Variants in LRFN5 observed in about 807,000 individuals in gnomAD.
LRFN5 encodes the protein leucine rich repeat and fibronectin type III domain containing 5.
LRFN5 carries 24 observed loss-of-function variants against 45.6 expected under a neutral mutation model. That is an observed-to-expected ratio of 0.53 (90% CI 0.38 to 0.74). The LOEUF (loss-of-function observed/expected upper bound fraction) is 0.74. Among genes scored for constraint, LRFN5 ranks in the 30% least tolerant of loss-of-function variants. LRFN5 has a pLI of 0.00. For synonymous variants in LRFN5, 340 were observed against 313.8 expected, an observed-to-expected ratio of 1.08 and a Z score of -0.88; for missense variants, 776 against 861.5, an observed-to-expected ratio of 0.90 and a Z score of 1.24.
intron 1 of LRFN5, among the ~76,000 whole-genome samples, chr14:41,735,450 T>TACAACA (rs1387200119): frequency 1.3e-5 from 2 of 151,984 alleles, no homozygotes; most frequent in Non-Finnish European, 1.5e-5. Flanking sequence ...ACTTTTACTT[T>TACAACA]TAGCAGAGGA....
chr14:41,650,898 AGGGAGGGAGG>A (rs1174255060), intron 1 of LRFN5, among the ~76,000 whole-genome samples: 8 of 43,400 alleles, frequency 1.8e-4, no homozygotes, highest in African/African-American at 6.8e-4. Context: ...AGAGAGAGAG[AGGGAGGGAGG>A]GAGGGAGGGA....
intron 1 of LRFN5, among the ~76,000 whole-genome samples, chr14:41,651,653 T>A (rs1355276638): frequency 6.6e-6 from 1 of 152,142 alleles, no homozygotes; most frequent in Non-Finnish European, 1.5e-5. Context: ...ATCTTAACAC[T>A]TTTGTTGTGA....
intron 2 of LRFN5, among the ~76,000 whole-genome samples, chr14:41,831,623 C>T (rs1888485575): frequency 6.6e-6 from 1 of 152,038 alleles, no homozygotes; most frequent in Non-Finnish European, 1.5e-5. Flanking sequence ...GTATTTCTTC[C>T]TTAAACTGAA....
At chr14:41,818,759 A>G (rs1888008963) in intron 2 of LRFN5, among the ~76,000 whole-genome samples, 2 of 152,098 alleles carry the variant, frequency 1.3e-5, no homozygotes, top group South Asian at 4.1e-4. Context: ...TAAAAAATAG[A>G]TTTGTGGGCA....
intron 1 of LRFN5, among the ~76,000 whole-genome samples, chr14:41,714,153 T>C (rs1043497024): frequency 6.6e-6 from 1 of 152,080 alleles, no homozygotes; most frequent in Admixed American, 6.5e-5. Flanking sequence ...ATGGAAAACA[T>C]AAGATTTTTA....
At chr14:41,847,210 A>G in intron 2 of LRFN5, among the ~76,000 whole-genome samples, 1 of 152,084 alleles carries the variant, frequency 6.6e-6, no homozygotes, top group East Asian at 1.9e-4. Context: ...AAACTACCTG[A>G]GATCATTCAA....
At chr14:41,874,151 T>C (rs1890112768) in intron 2 of LRFN5, among the ~76,000 whole-genome samples, 1 of 152,164 alleles carries the variant, frequency 6.6e-6, no homozygotes. Flanking sequence ...AGCATGATGA[T>C]TTCATTGCAT....
chr14:41,899,088 T>C lies in LRFN5; in HGVS notation c.2142+128T>C, dbSNP rs1363599882. On this transcript the variant is annotated intron_variant, in intron 5 of 5. Coordinates refer to ENST00000298119, the MANE Select transcript of LRFN5 (RefSeq NM_152447.5). ...GAAATTTTCTTTTAAAATTTACTTA[T>C]AATTCTCAACAGTGAAGATTGAAGT... 8.4e-6 allele frequency: 6 copies of C among 713,920 alleles called. No individual in the cohort carries two copies. The African/African-American group carries it at 1.1e-4, about 13-fold the overall frequency. The allele number at this position is 713,920 out of a possible 1,614,324, so 44.2% of individuals were successfully genotyped here.
intron 1 of LRFN5, among the ~76,000 whole-genome samples, chr14:41,655,101 C>T (rs1880314719): frequency 2.0e-5 from 3 of 151,992 alleles, no homozygotes; most frequent in Admixed American, 2.0e-4. Flanking sequence ...TGTTGAGCAT[C>T]TGGTTTGTGA....
chr14:41,662,091 T>G (rs1880682064), intron 1 of LRFN5, among the ~76,000 whole-genome samples: 1 of 152,032 alleles, frequency 6.6e-6, no homozygotes, highest in Non-Finnish European at 1.5e-5. Context: ...GTAACTCTCT[T>G]TTATGAACTC....
chr14:41,684,499 CCTCA>C (rs1368373585), intron 1 of LRFN5, among the ~76,000 whole-genome samples: 1 of 152,082 alleles, frequency 6.6e-6, no homozygotes, highest in African/African-American at 2.4e-5. Context: ...TCCTGTGAAA[CCTCA>C]CTATCACAAG....
Position 41,887,942 on chromosome 14 carries a change from A to T in LRFN5, c.1317A>T (p.Arg439Ser). The change falls in exon 3 of 6, where the codon AGA (arginine) becomes AGT (serine). Residue 439 changes from arginine (R) to serine (S), a missense_variant. Transcript: ENST00000298119. The surrounding 1 kb of genome is among the most constrained non-coding windows in gnomAD (Gnocchi z 4.8). ...CACTACTTAAATTTAATTTTCAAAG[A>T]AATATCCCTGGAATACGTATGTTTC... ...STALLKFNFQRNIPGIRMFQI... is the reference protein window; with the variant it reads ...STALLKFNFQSNIPGIRMFQI... 1 of 1,613,916 alleles carries T rather than the reference A, an allele frequency of 6.2e-7. No individual in the cohort carries two copies. Among genetic ancestry groups the T allele is most frequent in the Non-Finnish European group, 8.5e-7 (1 of 1,179,834 alleles).
At chr14:41,674,462 G>A (rs1881475940) in intron 1 of LRFN5, among the ~76,000 whole-genome samples, 1 of 139,190 alleles carries the variant, frequency 7.2e-6, no homozygotes, top group Non-Finnish European at 1.6e-5. Flanking sequence ...CCGGGCAGAG[G>A]CGCCCCTCAC....
chr14:41,611,783 G>C (rs1249454724), intron 1 of LRFN5, among the ~76,000 whole-genome samples: 1 of 152,114 alleles, frequency 6.6e-6, no homozygotes, highest in African/African-American at 2.4e-5. Flanking sequence ...GGTGTTTTGG[G>C]AGAAGTTCAT....
chr14:41,802,232 C>T (rs906771323), intron 2 of LRFN5, among the ~76,000 whole-genome samples: 3 of 152,002 alleles, frequency 2.0e-5, no homozygotes, highest in Admixed American at 6.6e-5. Context: ...TAGATGTGGG[C>T]TCAAGTCAGA....
rs74815615 is a variant in LRFN5, at chr14:41,620,850, C to T, written c.-197+12288C>T. Among the ~76,000 whole-genome samples the T allele has an allele frequency of 9.2e-3, 1,385 of 151,086 alleles. 7 individuals carry two copies. The highest frequency in any genetic ancestry group is 0.015 in the East Asian group (75 of 5,120). On this transcript the variant is annotated intron_variant, in intron 1 of 5. Transcript: ENST00000298119. ...AATTAGCTATAATGTCTATATTAAACAAAGGAAGCAGATTCAAGGGCAATT... is the reference window on the plus strand; with the variant it reads ...AATTAGCTATAATGTCTATATTAAATAAAGGAAGCAGATTCAAGGGCAATT...
At chr14:41,886,516 T>C in intron 2 of LRFN5, 90 bp from the exon 3 acceptor site, 1 of 870,292 alleles carries the variant, frequency 1.1e-6, no homozygotes, top group South Asian at 1.9e-5. Flanking sequence ...TTCTCTATTC[T>C]AGATTGCATA....
intron 1 of LRFN5, among the ~76,000 whole-genome samples, chr14:41,713,556 A>G (rs964719543): frequency 2.0e-5 from 3 of 152,146 alleles, no homozygotes; most frequent in Non-Finnish European, 4.4e-5. Flanking sequence ...TCAGTGTGAA[A>G]TAGTCAAAAG....
At chr14:41,646,190 G>A (rs1245593733) in intron 1 of LRFN5, among the ~76,000 whole-genome samples, 1 of 152,016 alleles carries the variant, frequency 6.6e-6, no homozygotes, top group African/African-American at 2.4e-5. Context: ...TAGTTCTATG[G>A]AACACTAGAA....
Sources: gnomAD v4.1 joint callset for allele counts (sites outside exome capture counted in the v4.1 genomes callset) on GRCh38, gnomAD v4.1.1 for gene constraint, Gnocchi (gnomAD v3.1) non-coding constraint, MANE v1.5 for transcripts, NCBI Gene and HGNC (gene_info 2026-07-23, HGNC 2026-07-21) for gene names.